Variants in LAMA2 observed in about 807,000 individuals in gnomAD.
LAMA2 encodes the protein laminin subunit alpha-2.
In LAMA2, 269 loss-of-function variants were observed where a neutral mutation model predicts 364.8. That is an observed-to-expected ratio of 0.74 (90% CI 0.67 to 0.82). The LOEUF (loss-of-function observed/expected upper bound fraction) is 0.82. Ranked by LOEUF, LAMA2 falls within the 40% of genes least tolerant of loss-of-function variation. LAMA2 has a pLI of 0.00. For synonymous variants in LAMA2, 1,379 were observed against 1,370.6 expected (o/e 1.01, Z -0.14); for missense variants, 3,807 against 3,873.2 (o/e 0.98, Z 0.45).
At chr6:129,146,355 C>T (rs887055690) in intron 5 of LAMA2, among the ~76,000 whole-genome samples, 3 of 151,782 alleles carry the variant, frequency 2.0e-5, no homozygotes, top group Non-Finnish European at 4.4e-5. Context: ...TAACATAGCT[C>T]TATGTTAACT....
intron 39 of LAMA2, 63 bp downstream of exon 39, chr6:129,402,550 C>G: frequency 6.9e-7 from 1 of 1,458,576 alleles, no homozygotes; most frequent in Non-Finnish European, 9.6e-7. Flanking sequence ...TTTTGACTAG[C>G]ATAAATAGTA....
rs573551071 is a variant in LAMA2, at chr6:129,491,711, A to C, written c.7899-190A>C. On this transcript the variant is annotated intron_variant, in intron 56 of 64. Transcript: ENST00000421865. ...CTGGTTTCAGTAAACTTTCAGGAAG[A>C]GTGAACGAGGGAGTCATGGAACGAG... Among the ~76,000 whole-genome samples the C allele has an allele frequency of 2.0e-5, 3 of 152,346 alleles. No individual in the cohort carries two copies. The South Asian group carries it at 6.2e-4, about 32-fold the overall frequency.
At chr6:129,456,854 A>G (rs1782992379) in intron 48 of LAMA2, among the ~76,000 whole-genome samples, 1 of 152,178 alleles carries the variant, frequency 6.6e-6, no homozygotes, top group Non-Finnish European at 1.5e-5. Flanking sequence ...TAAAGTTCAT[A>G]CTCACATCTA....
intron 58 of LAMA2, among the ~76,000 whole-genome samples, chr6:129,498,434 A>C (rs1448841993): frequency 6.6e-6 from 1 of 152,238 alleles, no homozygotes; most frequent in African/African-American, 2.4e-5. Flanking sequence ...TTATCAAGGA[A>C]TCCTTGTTTA....
intron 4 of LAMA2, among the ~76,000 whole-genome samples, chr6:129,126,899 C>T (rs529813481): frequency 1.6e-3 from 244 of 152,100 alleles, no homozygotes; most frequent in African/African-American, 5.6e-3. Context: ...GGTGAAACGC[C>T]ACCAGAAAAA....
chr6:129,184,549 C>T (rs1781117704), intron 10 of LAMA2, among the ~76,000 whole-genome samples: 1 of 151,712 alleles, frequency 6.6e-6, no homozygotes, highest in African/African-American at 2.4e-5. Flanking sequence ...AACACCTTAC[C>T]CTTGATATCT....
rs781728421 is a variant in LAMA2 at position 129,250,116 on chromosome 6, C to T, written c.1787C>T (p.Pro596Leu). 25 of 1,589,486 alleles carry T rather than the reference C, an allele frequency of 1.6e-5. No homozygotes were observed. Among genetic ancestry groups the T allele is most frequent in the East Asian group, 2.2e-5 (1 of 44,742 alleles). Residue 596 changes from proline to leucine, a missense_variant, in exon 13 of 65, where the codon CCA (proline) becomes CTA (leucine). Physicochemically the swap from Pro to Leu is moderately conservative, Grantham distance 98 (BLOSUM62 -3). Transcript: ENST00000421865. ...TATGCATCTTCTGTCTTGTAGCTCC[C>T]AGCAGTAGGAGGACAGTTGACATTT... ...APAPYLGNKL[P>L]AVGGQLTFTI...
At chr6:129,477,272 TGTGGCTA>T (rs1387850584) in intron 53 of LAMA2, among the ~76,000 whole-genome samples, 3 of 151,394 alleles carry the variant, frequency 2.0e-5, no homozygotes, top group African/African-American at 7.3e-5. Flanking sequence ...AATAGCCACA[TGTGGCTA>T]GTAACTACTG....
rs116115294 is a variant in LAMA2, at chr6:129,334,831, G to A, written c.4311+6419G>A. On this transcript the variant is annotated intron_variant, in intron 29 of 64. Coordinates refer to ENST00000421865, the MANE Select transcript of LAMA2 (RefSeq NM_000426.4). ...GCTCTCTGGGGTCTCTTTTGTAAAG[G>A]CCCTAATCCCACTCATGAGGCTCCA... Among the ~76,000 whole-genome samples, 1,357 of 152,000 alleles carry A rather than the reference G, an allele frequency of 8.9e-3. 21 individuals carry two copies. Among genetic ancestry groups the A allele is most frequent in the African/African-American group, 0.031 (1,305 of 41,486 alleles).
In LAMA2 at chr6:129,469,882, A is replaced by G. The variant is rs147924597; in HGVS notation, c.7301-3332A>G. ...AAAAAATACATTTGTATAAAATTAC[A>G]TAGAAAATGTAAACTAATCTATAGT... On this transcript the variant is annotated intron_variant, in intron 51 of 64. Coordinates refer to ENST00000421865, the MANE Select transcript of LAMA2 (RefSeq NM_000426.4). Among the ~76,000 whole-genome samples the G allele has an allele frequency of 2.6e-5, 4 of 152,050 alleles. No individual in the cohort carries two copies. In the East Asian group the frequency reaches 5.8e-4, roughly 22 times the overall value.
At chr6:129,131,499 G>A (rs1005430371) in intron 4 of LAMA2, among the ~76,000 whole-genome samples, 2 of 152,184 alleles carry the variant, frequency 1.3e-5, no homozygotes, top group African/African-American at 4.8e-5. Context: ...TTATTAGTCT[G>A]AGTCCAGCAA....
chr6:129,212,214 T>TG (rs1196579033), intron 12 of LAMA2, among the ~76,000 whole-genome samples: 45 of 152,258 alleles, frequency 3.0e-4, no homozygotes, highest in African/African-American at 1.0e-3. Flanking sequence ...TGAGTTGCAT[T>TG]GTGTGGGTAA....
At chr6:129,122,512 G>A (rs1776856547) in intron 4 of LAMA2, among the ~76,000 whole-genome samples, 1 of 152,212 alleles carries the variant, frequency 6.6e-6, no homozygotes, top group Admixed American at 6.5e-5. Flanking sequence ...GGGAGACCCT[G>A]TATCACTAGA....
In LAMA2 at chr6:129,190,335, C is replaced by T. The variant is rs1440964805; in HGVS notation, c.1598C>T (p.Thr533Ile). Residue 533 changes from threonine to isoleucine, a missense_variant, in exon 11 of 65, where the codon ACC (threonine) becomes ATC (isoleucine). Physicochemically the swap from Thr to Ile is moderately conservative, Grantham distance 89. This residue lies in a region of LAMA2 where 3,333 missense variants were observed against 3,345.7 expected (regional missense o/e 1.00). Transcript: ENST00000421865. ...VSNRCQSSYW[T>I]YGKIQDMSGW... Reference sequence around the variant, plus strand: ...AACAGATGTCAGAGTTCCTACTGGACCTATGGCAAAGTAAGCAAGCACCAT... The same window carrying T: ...AACAGATGTCAGAGTTCCTACTGGATCTATGGCAAAGTAAGCAAGCACCAT... The T allele has an allele frequency of 6.2e-7, 1 of 1,613,350 alleles. No individual in the cohort carries two copies. The highest frequency in any genetic ancestry group is 1.3e-5 in the African/African-American group (1 of 75,020).
At position 129,440,874 on chromosome 6, in the gene LAMA2, T is replaced by C. The variant is rs772199603; in HGVS notation, c.6144T>C (p.Ala2048=). Residue 2048 remains alanine (A), a synonymous_variant, in exon 43 of 65, where the codon GCT becomes GCC. Coordinates refer to ENST00000421865, the MANE Select transcript of LAMA2 (RefSeq NM_000426.4). ...KDKARQANDT[A]KDVLAQITEL... is the part of the protein sequence containing the mutation. The stretch of plus-strand genomic sequence containing the variant: ...AAGCCAGACAAGCCAACGACACAGC[T>C]AAAGATGTACTGGCACAGATTACAG... 6.2e-7 allele frequency: 1 copy of C among 1,613,974 alleles called. No homozygotes were observed. Among genetic ancestry groups the C allele is most frequent in the Non-Finnish European group, 8.5e-7 (1 of 1,179,906 alleles).
intron 1 of LAMA2, among the ~76,000 whole-genome samples, chr6:128,989,975 G>C: frequency 6.6e-6 from 1 of 152,086 alleles, no homozygotes. Flanking sequence ...CCCACCTCCT[G>C]ATATCCTCAC....
At chr6:129,023,053 T>C (rs541337571) in intron 1 of LAMA2, among the ~76,000 whole-genome samples, 16 of 152,302 alleles carry the variant, frequency 1.1e-4, no homozygotes, top group Non-Finnish European at 1.9e-4. Flanking sequence ...TCTTGCTTTT[T>C]TTAAACAAAA....
At chr6:128,964,012 T>C (rs1781694911) in intron 1 of LAMA2, among the ~76,000 whole-genome samples, 1 of 152,144 alleles carries the variant, frequency 6.6e-6, no homozygotes. Context: ...TTGAATATGC[T>C]GATCGCCTTT....
At chr6:129,266,973 G>T in intron 15 of LAMA2, 133 bp from the exon 16 acceptor site, 1 of 749,578 alleles carries the variant, frequency 1.3e-6, no homozygotes, top group Admixed American at 1.7e-5. Context: ...TTCAATAATG[G>T]CAATGCTTTG....
Sources: allele counts gnomAD v4.1 joint callset (sites outside exome capture counted in the v4.1 genomes callset), GRCh38; gene constraint gnomAD v4.1.1; regional missense constraint gnomAD v4.1.1; transcripts MANE v1.5; gene names NCBI Gene and HGNC (gene_info 2026-07-23, HGNC 2026-07-21).